NAA50: variants seen among roughly 807,000 people sequenced by gnomAD.
NAA50 encodes the protein N-alpha-acetyltransferase 50, NatE catalytic subunit.
In NAA50, 7 loss-of-function variants were observed where a neutral mutation model predicts 20.7. The observed-to-expected ratio is 0.34, with a 90% CI of 0.19 to 0.63. NAA50 has a LOEUF of 0.63. Among genes scored for constraint, NAA50 ranks in the 30% least tolerant of loss-of-function variants. NAA50 has a pLI of 0.75. For synonymous variants in NAA50, 54 were observed against 70.6 expected (o/e 0.77, Z 1.18); for missense variants, 111 against 199.1 (o/e 0.56, Z 2.66).
In NAA50 at chr3:113,745,931, C is replaced by T. The variant is rs1167437578; in HGVS notation, c.8+11G>A. The stretch of plus-strand genomic sequence containing the variant: ...CCACCGGCCGGGCCCTGCCCGGCTG[C>T]CCTTCCTCACCCTTTCATCTTCCCC... On this transcript the variant is annotated intron_variant, in intron 1 of 4. Coordinates refer to ENST00000240922, the MANE Select transcript of NAA50 (RefSeq NM_025146.4). The T allele has an allele frequency of 5.0e-6, 8 of 1,605,486 alleles. No homozygotes were observed. The Admixed American group carries it at 6.7e-5, about 13-fold the overall frequency.
chr3:113,744,168 A>G (rs1254010619), intron 1 of NAA50, among the ~76,000 whole-genome samples: 1 of 152,168 alleles, frequency 6.6e-6, no homozygotes, highest in African/African-American at 2.4e-5. Flanking sequence ...CATGTTCAAG[A>G]AGTGCAGTAT....
chr3:113,722,773 G>C lies in NAA50; in HGVS notation c.332+133C>G, dbSNP rs760294549. The C allele has an allele frequency of 2.8e-6, 3 of 1,077,130 alleles. No individual in the cohort carries two copies. The East Asian group carries it at 9.1e-5, about 33-fold the overall frequency. The allele number at this position is 1,077,130 out of a possible 1,614,324, so 66.7% of individuals were successfully genotyped here. On this transcript the variant is annotated intron_variant, in intron 4 of 4. Transcript: ENST00000240922. The stretch of plus-strand genomic sequence containing the variant: ...AACTAAACAAAACTAACAACTACTC[G>C]AATACTTTGTAACAACTACTTCCAC...
In NAA50 at chr3:113,720,467, C is replaced by CGT. The variant is rs1355676428; in HGVS notation, c.*1291_*1292dup. 1 of 152,622 alleles carries CGT rather than the reference C, an allele frequency of 6.6e-6. No homozygotes were observed. The highest frequency in any genetic ancestry group is 1.5e-5 in the Non-Finnish European group (1 of 68,026). The allele number at this position is 152,622 out of a possible 1,614,324, so 9.5% of individuals were successfully genotyped here. On this transcript the variant is annotated 3_prime_UTR_variant, in exon 5 of 5. Transcript: ENST00000240922. ...AGTTATCAATCTGTCAAAGCCACTC[C>CGT]GTGTGTGCCGGAAAATGATCTGGCA...
Position 113,720,860 on chromosome 3 carries a change from G to A in NAA50, c.*900C>T, listed in dbSNP as rs1708126524. ...AAACACCTGCTTCAGGTTTATTTAG[G>A]GGTAGTGACCTATAAGGACATCAAC... On this transcript the variant is annotated 3_prime_UTR_variant, in exon 5 of 5. Coordinates refer to ENST00000240922, the MANE Select transcript of NAA50 (RefSeq NM_025146.4). 1 of 152,348 alleles carries A rather than the reference G, an allele frequency of 6.6e-6. No individual in the cohort carries two copies. The highest frequency in any genetic ancestry group is 1.5e-5 in the Non-Finnish European group (1 of 67,968). The allele number at this position is 152,348 out of a possible 1,614,324, so 9.4% of individuals were successfully genotyped here. A position where few individuals can be genotyped will look rare whatever the true frequency, so the allele number is the denominator to read the frequency against.
chr3:113,728,279 GAACAT>G (rs1708225925), intron 1 of NAA50, among the ~76,000 whole-genome samples: 2 of 152,078 alleles, frequency 1.3e-5, no homozygotes, highest in African/African-American at 2.4e-5. Context: ...AAGTTCTTAT[GAACAT>G]AATAGAGTTG....
chr3:113,737,981 G>A (rs760735872), intron 1 of NAA50, among the ~76,000 whole-genome samples: 6 of 152,186 alleles, frequency 3.9e-5, no homozygotes, highest in Non-Finnish European at 8.8e-5. Context: ...AAAGTGGGCA[G>A]ATCCTTTGAG....
intron 1 of NAA50, among the ~76,000 whole-genome samples, chr3:113,744,841 C>T (rs758445308): frequency 6.6e-6 from 1 of 152,170 alleles, no homozygotes; most frequent in Non-Finnish European, 1.5e-5. Flanking sequence ...TACCGATACA[C>T]AGAGGTAATA....
chr3:113,732,069 A>G (rs1708280307), intron 1 of NAA50, among the ~76,000 whole-genome samples: 1 of 152,124 alleles, frequency 6.6e-6, no homozygotes, highest in African/African-American at 2.4e-5. Flanking sequence ...CTCACCCCCA[A>G]CCAAAGGATG....
At chr3:113,729,354 G>A (rs185782186) in intron 1 of NAA50, among the ~76,000 whole-genome samples, 117 of 152,194 alleles carry the variant, frequency 7.7e-4, no homozygotes, top group African/African-American at 2.6e-3. Flanking sequence ...GTTTGGAAGT[G>A]TTTCTTCCTT....
Position 113,718,715 on chromosome 3 carries a change from A to G in NAA50, c.*3045T>C, listed in dbSNP as rs1306737399. On this transcript the variant is annotated 3_prime_UTR_variant, in exon 5 of 5. Transcript: ENST00000240922. The stretch of plus-strand genomic sequence containing the variant: ...AAAGTGTCAAGTATTTCTAATAATT[A>G]CATTAAAAATACAGCAGCAAGACAG... 1 of 152,242 alleles carries G rather than the reference A, an allele frequency of 6.6e-6. No homozygotes were observed. Among genetic ancestry groups the G allele is most frequent in the Admixed American group, 6.5e-5 (1 of 15,284 alleles). 9.4% of individuals were successfully genotyped at this position (152,242 alleles called of 1,614,324 possible). A position where few individuals can be genotyped will look rare whatever the true frequency, so the allele number is the denominator to read the frequency against.
intron 1 of NAA50, among the ~76,000 whole-genome samples, chr3:113,744,947 A>C (rs1708469246): frequency 6.6e-6 from 1 of 152,206 alleles, no homozygotes; most frequent in Non-Finnish European, 1.5e-5. Flanking sequence ...GACTTCGTTA[A>C]CTTAAAACAT....
chr3:113,736,663 G>A (rs1708346668), intron 1 of NAA50, among the ~76,000 whole-genome samples: 1 of 152,040 alleles, frequency 6.6e-6, no homozygotes. Flanking sequence ...ACAAGATGGG[G>A]ATATGACTCC....
chr3:113,743,129 A>T lies in NAA50; in HGVS notation c.8+2813T>A, dbSNP rs186301436. On this transcript the variant is annotated intron_variant, in intron 1 of 4. Coordinates refer to ENST00000240922, the MANE Select transcript of NAA50 (RefSeq NM_025146.4). The stretch of plus-strand genomic sequence containing the variant: ...ACCGGAAATTTATCTTCTATGGAGG[A>T]AAGACATGCCAATACAATGGAAAGT... Among the ~76,000 whole-genome samples, 36 of 152,344 alleles carry T rather than the reference A, an allele frequency of 2.4e-4. No homozygotes were observed. The East Asian group carries it at 6.4e-3, about 27-fold the overall frequency.
At chr3:113,723,042 G>T in intron 3 of NAA50, 70 bp from the exon 4 acceptor site, 1 of 1,443,710 alleles carries the variant, frequency 6.9e-7, no homozygotes, top group Non-Finnish European at 9.2e-7. Flanking sequence ...CTATCCACTT[G>T]CCATCTGAAC....
chr3:113,731,601 T>A (rs560010519), intron 1 of NAA50, among the ~76,000 whole-genome samples: 4 of 152,304 alleles, frequency 2.6e-5, no homozygotes, highest in African/African-American at 9.6e-5. Context: ...AGTCTCAAAA[T>A]TCCTTAGGTG....
intron 1 of NAA50, among the ~76,000 whole-genome samples, chr3:113,726,896 G>A (rs1049804255): frequency 2.6e-5 from 4 of 152,214 alleles, no homozygotes; most frequent in African/African-American, 9.7e-5. Context: ...TCAGGCTCAA[G>A]TGATCTTCCC....
chr3:113,737,430 TCA>T (rs1362094759), intron 1 of NAA50, among the ~76,000 whole-genome samples: 4 of 152,348 alleles, frequency 2.6e-5, no homozygotes, highest in African/African-American at 7.2e-5. Flanking sequence ...TCAGAATTTA[TCA>T]CACAGTTTCA....
chr3:113,727,666 T>C lies in NAA50; in HGVS notation c.9-3571A>G, dbSNP rs570688996. Among the ~76,000 whole-genome samples, 16 of 151,336 alleles carry C rather than the reference T, an allele frequency of 1.1e-4. 2 individuals carry two copies. The highest frequency in any genetic ancestry group is 3.9e-4 in the African/African-American group (16 of 41,238). On this transcript the variant is annotated intron_variant, in intron 1 of 4. Transcript: ENST00000240922. ...TTTAAAGCACACCATAGAAATGACGTAGAAAGGGAAAATATCCTGCAATAA... is the reference window on the plus strand; with the variant it reads ...TTTAAAGCACACCATAGAAATGACGCAGAAAGGGAAAATATCCTGCAATAA...
chr3:113,721,460 G>T lies in NAA50; in HGVS notation c.*300C>A, dbSNP rs543147508. ...AATGTGAAAGCAGGACATTAAATTT[G>T]AAATTATTTGACAATTAAATGTTTA... On this transcript the variant is annotated 3_prime_UTR_variant, in exon 5 of 5. Coordinates refer to ENST00000240922, the MANE Select transcript of NAA50 (RefSeq NM_025146.4). 1.8e-5 allele frequency: 6 copies of T among 337,794 alleles called. No individual in the cohort carries two copies. The highest frequency in any genetic ancestry group is 1.3e-4 in the African/African-American group (6 of 46,092). The allele number at this position is 337,794 out of a possible 1,614,324, so 20.9% of individuals were successfully genotyped here.
Sources: gnomAD v4.1 joint callset for allele counts (sites outside exome capture counted in the v4.1 genomes callset) on GRCh38, gnomAD v4.1.1 for gene constraint, MANE v1.5 for transcripts, NCBI Gene and HGNC (gene_info 2026-07-23, HGNC 2026-07-21) for gene names.